Variants in VPS13C observed in about 807,000 individuals in gnomAD.
VPS13C encodes intermembrane lipid transfer protein VPS13C.
Under a neutral mutation model 456.8 loss-of-function variants are expected in VPS13C, and 358 were observed. The ratio of observed to expected loss-of-function variants is 0.78; its 90% CI spans 0.72 to 0.86. VPS13C has a LOEUF of 0.86. Among genes scored for constraint, VPS13C ranks in the 40% least tolerant of loss-of-function variants. The probability of loss-of-function intolerance (pLI) is 0.00; values close to 1 mark genes in which losing one functional copy is unlikely to be tolerated. For synonymous variants in VPS13C, 1,578 were observed against 1,486.7 expected (o/e 1.06, Z -1.41); for missense variants, 4,818 against 4,385.4 (o/e 1.10, Z -2.79).
At chr15:61,878,473 G>T in intron 74 of VPS13C, 134 bp downstream of exon 74, 1 of 1,166,884 alleles carries the variant, frequency 8.6e-7, no homozygotes, top group Non-Finnish European at 1.2e-6. Flanking sequence ...AATCACAAAT[G>T]AACCAAATTC....
At chr15:62,017,005 C>T (rs1360322993) in intron 9 of VPS13C, among the ~76,000 whole-genome samples, 1 of 152,084 alleles carries the variant, frequency 6.6e-6, no homozygotes. Flanking sequence ...TTTTGATTTG[C>T]ATTTCTCTGA....
At chr15:61,981,205 C>A (rs1036877954) in intron 22 of VPS13C, 137 bp downstream of exon 22, 6 of 1,073,468 alleles carry the variant, frequency 5.6e-6, no homozygotes, top group South Asian at 2.3e-5. Context: ...ATACTCCAAG[C>A]AAGGCTTGAA....
At chr15:61,908,726 G>A (rs772717422) in intron 65 of VPS13C, among the ~76,000 whole-genome samples, 6 of 152,148 alleles carry the variant, frequency 3.9e-5, no homozygotes, top group Middle Eastern at 3.4e-3. Context: ...CTCATTTGGC[G>A]GCAAAACCTG....
chr15:61,875,887 T>C, intron 75 of VPS13C, 42 bp from the exon 76 acceptor site: 1 of 1,258,044 alleles, frequency 7.9e-7, no homozygotes, highest in Non-Finnish European at 1.1e-6. Context: ...TCACAACTAT[T>C]GTAAGAAACA....
intron 4 of VPS13C, 123 bp downstream of exon 4, chr15:62,034,834 G>A: frequency 1.7e-6 from 1 of 594,608 alleles, no homozygotes; most frequent in East Asian, 3.0e-5. Context: ...GTGCATCTAT[G>A]TATGATTCAT....
chr15:61,931,372 A>G (rs2044049690), intron 49 of VPS13C, 113 bp from the exon 50 acceptor site: 2 of 1,085,772 alleles, frequency 1.8e-6, no homozygotes, highest in East Asian at 2.6e-5. Flanking sequence ...ATGAATTTTA[A>G]AAGTATGAGT....
chr15:61,935,793 T>C (rs2044209221), intron 48 of VPS13C: 2 of 152,282 alleles, frequency 1.3e-5, no homozygotes, highest in Non-Finnish European at 1.5e-5. Context: ...AGCCTAACTA[T>C]AGGAGAAGCA....
intron 49 of VPS13C, among the ~76,000 whole-genome samples, chr15:61,932,026 G>T (rs573365509): frequency 6.6e-6 from 1 of 152,208 alleles, no homozygotes; most frequent in Non-Finnish European, 1.5e-5. Context: ...TACACTAAAA[G>T]GAACATCACA....
rs113344674 is a variant in VPS13C at position 62,023,655 on chromosome 15, C to T, written c.514+125G>A. The T allele has an allele frequency of 7.3e-5, 82 of 1,120,322 alleles. No homozygotes were observed. In the African/African-American group the frequency reaches 1.0e-3, roughly 14 times the overall value. 69.4% of individuals were successfully genotyped at this position (1,120,322 alleles called of 1,614,324 possible). A position where few individuals can be genotyped will look rare whatever the true frequency, so the allele number is the denominator to read the frequency against. On this transcript the variant is annotated intron_variant, in intron 7 of 84. Coordinates refer to ENST00000644861, the MANE Select transcript of VPS13C (RefSeq NM_020821.3). ...GTGTCTTTATTTATATTTTAATATG[C>T]ATTTCCAACTTAAAACTTGTTTTTG... is the stretch of plus-strand genomic sequence containing the variant.
At chr15:61,920,001 T>C (rs1221459712) in intron 57 of VPS13C, 66 bp downstream of exon 57, 2 of 1,368,274 alleles carry the variant, frequency 1.5e-6, no homozygotes, top group Admixed American at 5.2e-5. Context: ...TTTTTCACAT[T>C]TTATCAAAAA....
At chr15:61,907,106 A>T in intron 66 of VPS13C, 158 bp downstream of exon 66, 1 of 948,954 alleles carries the variant, frequency 1.1e-6, no homozygotes, top group Non-Finnish European at 1.6e-6. Context: ...ACTGGTTTGA[A>T]CTACAGTATT....
In VPS13C at chr15:61,907,486, A is replaced by C. The variant is rs1448249056; in HGVS notation, c.8979-96T>G. 4.1e-6 allele frequency: 6 copies of C among 1,449,866 alleles called. No individual in the cohort carries two copies. In the Admixed American group the frequency reaches 1.0e-4, roughly 24 times the overall value. 89.8% of individuals were successfully genotyped at this position (1,449,866 alleles called of 1,614,324 possible). ...AGGAAGGGATTAGCACAGAAGTCCT[A>C]CGAAATTGCTGTGGTTAATAAAACA... is the stretch of plus-strand genomic sequence containing the variant. On this transcript the variant is annotated intron_variant, in intron 65 of 84. Transcript: ENST00000644861.
At chr15:61,884,744 A>T (rs1222065120) in intron 67 of VPS13C, among the ~76,000 whole-genome samples, 4 of 152,140 alleles carry the variant, frequency 2.6e-5, no homozygotes, top group Non-Finnish European at 4.4e-5. Flanking sequence ...TATTACCAAA[A>T]TCTATTGTAA....
At chr15:62,029,195 A>T (rs2047732058) in intron 5 of VPS13C, among the ~76,000 whole-genome samples, 1 of 152,106 alleles carries the variant, frequency 6.6e-6, no homozygotes. Flanking sequence ...GTAAGATGGC[A>T]ACAAAAATAG....
At chr15:61,954,636 T>C in intron 37 of VPS13C, 82 bp from the exon 38 acceptor site, 1 of 1,386,080 alleles carries the variant, frequency 7.2e-7, no homozygotes, top group Non-Finnish European at 9.6e-7. Flanking sequence ...ATGAGTATTC[T>C]GGACCTGGTA....
In VPS13C at chr15:61,869,570, C is replaced by G. The variant is rs774621566; in HGVS notation, c.10678G>C (p.Val3560Leu). The change falls in exon 80 of 85, where the codon GTG (valine) becomes CTG (leucine). Residue 3560 changes from valine (V) to leucine (L), a missense_variant. Transcript: ENST00000644861. Reference protein sequence around the residue: ...GFFKGIGKGLVGAVARPTGGI... With the variant: ...GFFKGIGKGLLGAVARPTGGI... ...CCAGTTGGACGGGCCACAGCACCCA[C>G]AAGCCCTTTTCCAATTCCTTTAAAG... is the stretch of plus-strand genomic sequence containing the variant. The G allele has an allele frequency of 6.2e-7, 1 of 1,614,040 alleles. No individual in the cohort carries two copies. Among genetic ancestry groups the G allele is most frequent in the African/African-American group, 1.3e-5 (1 of 74,920 alleles).
At chr15:61,996,556 G>A (rs72749739) in intron 16 of VPS13C, among the ~76,000 whole-genome samples, 4,642 of 152,134 alleles carry the variant, frequency 0.031, 105 homozygotes, top group Non-Finnish European at 0.047. Context: ...TTCGATGTCT[G>A]ATAGCTGGAA....
intron 15 of VPS13C, among the ~76,000 whole-genome samples, chr15:62,005,110 T>G (rs1288309416): frequency 1.3e-5 from 2 of 152,106 alleles, no homozygotes; most frequent in Non-Finnish European, 2.9e-5. Context: ...TGTCTAATGT[T>G]GACAGTGGGG....
chr15:62,060,393 G>C lies in VPS13C; in HGVS notation c.-19C>G. On this transcript the variant is annotated 5_prime_UTR_variant, in exon 1 of 85. Transcript: ENST00000644861. ...GCACCATGGTGGCGCTGAGGCACAA[G>C]GAGAGGGAGGAGCCGGAACCGCCCG... 7.0e-7 allele frequency: 1 copy of C among 1,422,190 alleles called. No individual in the cohort carries two copies. Among genetic ancestry groups the C allele is most frequent in the Middle Eastern group, 2.0e-4 (1 of 4,982 alleles). 88.1% of individuals were successfully genotyped at this position (1,422,190 alleles called of 1,614,324 possible).
Sources: allele counts gnomAD v4.1 joint callset (sites outside exome capture counted in the v4.1 genomes callset), GRCh38; gene constraint gnomAD v4.1.1; transcripts MANE v1.5; gene names NCBI Gene and HGNC (gene_info 2026-07-23, HGNC 2026-07-21).